The following CACNA2D2 variants were observed in gnomAD, a reference collection of about 807,000 sequenced individuals.
CACNA2D2 encodes the protein voltage-dependent calcium channel subunit alpha-2/delta-2.
A neutral mutation model predicts 166.4 loss-of-function variants in CACNA2D2; 48 were observed. The ratio of observed to expected loss-of-function variants is 0.29; its 90% confidence interval spans 0.23 to 0.37. The LOEUF is 0.37. Among genes scored for constraint, CACNA2D2 ranks in the 10% least tolerant of loss-of-function variants. The pLI, the probability that CACNA2D2 is intolerant of heterozygous loss-of-function variation, is 1.00. For missense variants in CACNA2D2, 1,122 were observed against 1,433.0 expected (o/e 0.78, Z 3.50); for synonymous variants, 561 against 573.7 (o/e 0.98, Z 0.32).
At chr3:50,442,760 C>G (rs573608541) in intron 2 of CACNA2D2, among the ~76,000 whole-genome samples, 1 of 152,314 alleles carries the variant, frequency 6.6e-6, no homozygotes, top group South Asian at 2.1e-4. Flanking sequence ...CAGAGAGAAG[C>G]AACTACTGAG....
intron 1 of CACNA2D2, among the ~76,000 whole-genome samples, chr3:50,496,778 A>C (rs1020673421): frequency 2.6e-5 from 4 of 152,100 alleles, no homozygotes; most frequent in African/African-American, 9.7e-5. Flanking sequence ...CCAAGGTCAC[A>C]CAGCTGTTGA....
chr3:50,404,356 C>A (rs1231083196), intron 3 of CACNA2D2, among the ~76,000 whole-genome samples: 1 of 152,114 alleles, frequency 6.6e-6, no homozygotes, highest in South Asian at 2.1e-4. Context: ...AAAATGTTAC[C>A]CATTAGCCCC....
chr3:50,487,078 G>T (rs1698318416), intron 1 of CACNA2D2, among the ~76,000 whole-genome samples: 2 of 152,198 alleles, frequency 1.3e-5, no homozygotes, highest in South Asian at 2.1e-4. Context: ...TGAGCACTCT[G>T]AGGCCTGTGG....
At chr3:50,390,943 G>A (rs1705857900) in intron 4 of CACNA2D2, among the ~76,000 whole-genome samples, 6 of 152,252 alleles carry the variant, frequency 3.9e-5, no homozygotes, top group Admixed American at 3.9e-4. Context: ...CCAGCCACCC[G>A]CTGCACCAGT....
At chr3:50,483,565 G>A (rs888707411) in intron 1 of CACNA2D2, among the ~76,000 whole-genome samples, 1 of 152,192 alleles carries the variant, frequency 6.6e-6, no homozygotes, top group East Asian at 1.9e-4. Flanking sequence ...GCATTAATTA[G>A]GGCACCAGGT....
At chr3:50,429,592 C>CAAAAAAAAAAAAAAAA (rs1160685582) in intron 3 of CACNA2D2, among the ~76,000 whole-genome samples, 1 of 52,646 alleles carries the variant, frequency 1.9e-5, no homozygotes, top group African/African-American at 5.9e-5. Flanking sequence ...ACTAAAAATA[C>CAAAAAAAAAAAAAAAA]AAAAAAAAAA....
intron 3 of CACNA2D2, among the ~76,000 whole-genome samples, chr3:50,401,282 G>A (rs919118702): frequency 6.6e-6 from 1 of 151,922 alleles, no homozygotes; most frequent in Non-Finnish European, 1.5e-5. Context: ...TTTAAAAAAG[G>A]TCAGAATCCA....
chr3:50,461,903 G>C (rs1323819086), intron 2 of CACNA2D2, among the ~76,000 whole-genome samples: 1 of 152,234 alleles, frequency 6.6e-6, no homozygotes, highest in African/African-American at 2.4e-5. Context: ...AAATCCCAGG[G>C]ACACATTGGT....
At chr3:50,449,816 G>A (rs1047377829) in intron 2 of CACNA2D2, among the ~76,000 whole-genome samples, 1 of 152,194 alleles carries the variant, frequency 6.6e-6, no homozygotes, top group Admixed American at 6.5e-5. Context: ...CAGAGACACA[G>A]GCATTCAGCC....
intron 3 of CACNA2D2, among the ~76,000 whole-genome samples, chr3:50,397,294 G>A (rs1209756061): frequency 6.6e-6 from 1 of 152,198 alleles, no homozygotes; most frequent in African/African-American, 2.4e-5. Context: ...TTTTTTCAGT[G>A]TTACAGATCA....
intron 1 of CACNA2D2, among the ~76,000 whole-genome samples, chr3:50,500,402 G>C (rs1698910568): frequency 6.6e-6 from 1 of 152,170 alleles, no homozygotes; most frequent in Non-Finnish European, 1.5e-5. Context: ...AAACCTGGGG[G>C]CACTGGAGAA....
chr3:50,461,629 C>T (rs1038433216), intron 2 of CACNA2D2, among the ~76,000 whole-genome samples: 3 of 151,490 alleles, frequency 2.0e-5, no homozygotes, highest in African/African-American at 7.3e-5. Flanking sequence ...GGCGTGGCGG[C>T]GCAGATCTGT....
intron 2 of CACNA2D2, among the ~76,000 whole-genome samples, chr3:50,446,770 T>A (rs1477005385): frequency 6.6e-6 from 1 of 152,186 alleles, no homozygotes; most frequent in Non-Finnish European, 1.5e-5. Context: ...CCCCGAGGGC[T>A]CATTCGCCCA....
Position 50,379,628 on chromosome 3 carries a change from G to A in CACNA2D2, c.994-38C>T, listed in dbSNP as rs773083164. The A allele has an allele frequency of 6.2e-7, 1 of 1,612,692 alleles. No homozygotes were observed. The highest frequency in any genetic ancestry group is 8.5e-7 in the Non-Finnish European group (1 of 1,179,120). On this transcript the variant is annotated intron_variant, in intron 10 of 37. Coordinates refer to ENST00000424201, the MANE Select transcript of CACNA2D2 (RefSeq NM_006030.4). This position sits in a 1 kb window ranked among gnomAD's most constrained non-coding sequence, Gnocchi z 6.5. Reference sequence around the variant, plus strand: ...TAGGGTGGTGAGTGGCCTCAGGCTGGCCGGGGTAGGCAGCTATTGCATGGG... The same window carrying A: ...TAGGGTGGTGAGTGGCCTCAGGCTGACCGGGGTAGGCAGCTATTGCATGGG...
intron 2 of CACNA2D2, among the ~76,000 whole-genome samples, chr3:50,444,240 G>C (rs1708738016): frequency 6.6e-6 from 1 of 152,198 alleles, no homozygotes; most frequent in Non-Finnish European, 1.5e-5. Context: ...GGGCACCCTG[G>C]AGGTGGTCAG....
intron 37 of CACNA2D2, 40 bp downstream of exon 37, chr3:50,364,848 A>C (rs1446885840): frequency 1.2e-6 from 2 of 1,612,988 alleles, no homozygotes; most frequent in Non-Finnish European, 1.7e-6. Flanking sequence ...GGGCGGGCGC[A>C]AGGCCGCGGG....
Position 50,375,991 on chromosome 3 carries a change from G to A in CACNA2D2, c.1745C>T (p.Ala582Val), listed in dbSNP as rs760604912. Reference sequence around the variant, plus strand: ...TTCCTTGTTCTCATCCTCTAGCTCCGCATCCAGGAAGTCCAGAGTCACAGG... The same window carrying A: ...TTCCTTGTTCTCATCCTCTAGCTCCACATCCAGGAAGTCCAGAGTCACAGG... ...REPVTLDFLDAELEDENKEEI... is the reference protein window; with the variant it reads ...REPVTLDFLDVELEDENKEEI... The change falls in exon 19 of 38, where the codon GCG (alanine) becomes GTG (valine). Residue 582 changes from alanine to valine, a missense_variant. Ala to Val is a moderately conservative substitution (Grantham distance 64). Transcript: ENST00000424201. The surrounding 1 kb of genome is among the most constrained non-coding windows in gnomAD (Gnocchi z 4.0). 5.4e-5 allele frequency: 87 copies of A among 1,613,136 alleles called. No homozygotes were observed. The highest frequency in any genetic ancestry group is 1.5e-4 in the Admixed American group (9 of 59,986).
At chr3:50,444,576 T>C (rs1214393343) in intron 2 of CACNA2D2, among the ~76,000 whole-genome samples, 1 of 152,212 alleles carries the variant, frequency 6.6e-6, no homozygotes, top group Admixed American at 6.5e-5. Flanking sequence ...CCCTGATCCA[T>C]TCTGTCCTGC....
At chr3:50,489,521 A>C (rs1017642041) in intron 1 of CACNA2D2, among the ~76,000 whole-genome samples, 1 of 152,076 alleles carries the variant, frequency 6.6e-6, no homozygotes, top group Non-Finnish European at 1.5e-5. Flanking sequence ...TGGGCAGCCC[A>C]AGGCATGGTA....
Sources: allele counts gnomAD v4.1 joint callset (sites outside exome capture counted in the v4.1 genomes callset), GRCh38; gene constraint gnomAD v4.1.1; non-coding constraint Gnocchi (gnomAD v3.1); transcripts MANE v1.5; gene names NCBI Gene and HGNC (gene_info 2026-07-23, HGNC 2026-07-21).